Variants in FSHR observed in about 807,000 individuals in gnomAD.
FSHR encodes follicle-stimulating hormone receptor.
FSHR carries 46 observed loss-of-function variants against 52.1 expected under a neutral mutation model. The ratio of observed to expected loss-of-function variants is 0.88; its 90% CI spans 0.70 to 1.13. The LOEUF is 1.13. FSHR is among the 50% of genes most tolerant of loss of function. The pLI is 0.00. For synonymous variants in FSHR, 399 were observed against 309.6 expected, an observed-to-expected ratio of 1.29 and a Z score of -3.03; for missense variants, 964 against 834.6, an observed-to-expected ratio of 1.16 and a Z score of -1.91.
At chr2:49,058,356 G>C (rs1457086723) in intron 2 of FSHR, among the ~76,000 whole-genome samples, 1 of 151,976 alleles carries the variant, frequency 6.6e-6, no homozygotes, top group African/African-American at 2.4e-5. Flanking sequence ...AGAACATCCT[G>C]GCCAACATGG....
intron 1 of FSHR, among the ~76,000 whole-genome samples, chr2:49,120,124 A>G (rs1183201629): frequency 6.6e-6 from 1 of 152,138 alleles, no homozygotes; most frequent in Non-Finnish European, 1.5e-5. Flanking sequence ...ACAAAAAATT[A>G]TCTGGGCATG....
At chr2:49,125,865 A>G (rs758255329) in intron 1 of FSHR, among the ~76,000 whole-genome samples, 6 of 152,326 alleles carry the variant, frequency 3.9e-5, no homozygotes, top group Non-Finnish European at 8.8e-5. Flanking sequence ...TAACAGACCT[A>G]AAGACTAGGA....
intron 1 of FSHR, among the ~76,000 whole-genome samples, chr2:49,130,592 A>G (rs575858379): frequency 6.6e-6 from 1 of 152,332 alleles, no homozygotes; most frequent in South Asian, 2.1e-4. Flanking sequence ...CTTGAGGTTT[A>G]AGACATGCAT....
chr2:49,122,323 T>C (rs549431157), intron 1 of FSHR, among the ~76,000 whole-genome samples: 18 of 152,282 alleles, frequency 1.2e-4, no homozygotes, highest in African/African-American at 4.3e-4. Flanking sequence ...ATCTTCCTAA[T>C]GCATAGAGGG....
chr2:49,092,314 T>C (rs758388628), intron 1 of FSHR, among the ~76,000 whole-genome samples: 1 of 152,234 alleles, frequency 6.6e-6, no homozygotes, highest in Non-Finnish European at 1.5e-5. Flanking sequence ...AGGTAATTTA[T>C]GAACAGAGAC....
chr2:49,083,819 A>G (rs1670267638), intron 1 of FSHR, among the ~76,000 whole-genome samples: 2 of 146,772 alleles, frequency 1.4e-5, no homozygotes, highest in African/African-American at 5.1e-5. Context: ...TATGCACCCA[A>G]TACAGGAGCA....
At chr2:49,088,109 GACACAGTT>G (rs1670467250) in intron 1 of FSHR, among the ~76,000 whole-genome samples, 1 of 152,134 alleles carries the variant, frequency 6.6e-6, no homozygotes, top group Admixed American at 6.5e-5. Flanking sequence ...CTTGATCAAG[GACACAGTT>G]AGAAAGTGGC....
chr2:49,072,676 TACACTAACTTGC>T (rs1669780511), intron 1 of FSHR, among the ~76,000 whole-genome samples: 1 of 152,178 alleles, frequency 6.6e-6, no homozygotes, highest in Non-Finnish European at 1.5e-5. Context: ...AAGTTTAATC[TACACTAACTTGC>T]AATTTTGCAA....
chr2:49,058,453 AG>A (rs1324169841), intron 2 of FSHR, among the ~76,000 whole-genome samples: 12 of 152,240 alleles, frequency 7.9e-5, no homozygotes, highest in Admixed American at 6.5e-4. Flanking sequence ...AGGCTGAGGC[AG>A]GGGAATCGCT....
At position 49,088,179 on chromosome 2, in the gene FSHR, C is replaced by T. The variant is rs112201855; in HGVS notation, c.153-19889G>A. Among the ~76,000 whole-genome samples, 50 of 152,196 alleles carry T rather than the reference C, an allele frequency of 3.3e-4. 2 individuals are homozygous for T. The highest frequency in any genetic ancestry group is 1.1e-3 in the African/African-American group (46 of 41,528). Reference sequence around the variant, plus strand: ...CCCAAAGCCCATGCGCACAAGTCTGCGTGTGTATGTGGTGCAGAGGGATAA... The same window carrying T: ...CCCAAAGCCCATGCGCACAAGTCTGTGTGTGTATGTGGTGCAGAGGGATAA... On this transcript the variant is annotated intron_variant, in intron 1 of 9. Coordinates refer to ENST00000406846, the MANE Select transcript of FSHR (RefSeq NM_000145.4).
At chr2:49,067,296 G>C (rs2103616428) in intron 2 of FSHR, among the ~76,000 whole-genome samples, 1 of 152,136 alleles carries the variant, frequency 6.6e-6, no homozygotes, top group Non-Finnish European at 1.5e-5. Context: ...TGATTCTTTT[G>C]TTATTGGATT....
intron 3 of FSHR, 56 bp from the exon 4 acceptor site, chr2:49,017,619 T>C: frequency 1.6e-6 from 2 of 1,281,040 alleles, no homozygotes; most frequent in South Asian, 2.4e-5. Flanking sequence ...TGCTGTAGTA[T>C]TTTTCACATT....
chr2:49,107,729 T>C (rs1464052610), intron 1 of FSHR, among the ~76,000 whole-genome samples: 4 of 152,168 alleles, frequency 2.6e-5, no homozygotes, highest in African/African-American at 9.6e-5. Flanking sequence ...TAAGAACTAC[T>C]ATTCCCAATT....
chr2:49,147,014 T>C (rs17038354), intron 1 of FSHR, among the ~76,000 whole-genome samples: 1,984 of 152,196 alleles, frequency 0.013, 36 homozygotes, highest in African/African-American at 0.046. Context: ...CTCTGAAGAC[T>C]AAAAGTATAA....
At chr2:49,067,085 AT>A (rs1330789303) in intron 2 of FSHR, among the ~76,000 whole-genome samples, 3 of 152,108 alleles carry the variant, frequency 2.0e-5, no homozygotes, top group Non-Finnish European at 2.9e-5. Flanking sequence ...GGAGATAGAA[AT>A]TGGAAATCAC....
Position 48,970,129 on chromosome 2 carries a change from G to A in FSHR, c.669-1246C>T, listed in dbSNP as rs1171294374. Among the ~76,000 whole-genome samples, 3 of 152,284 alleles carry A rather than the reference G, an allele frequency of 2.0e-5. No homozygotes were observed. In the South Asian group the frequency reaches 6.2e-4, roughly 32 times the overall value. On this transcript the variant is annotated intron_variant, in intron 8 of 9. Transcript: ENST00000406846. Reference sequence around the variant, plus strand: ...TGAATATATATTTGCTACCCCATATGTTCTCACAATCTGGTGAAAATTACA... The same window carrying A: ...TGAATATATATTTGCTACCCCATATATTCTCACAATCTGGTGAAAATTACA...
chr2:49,009,008 C>A (rs1429437568), intron 4 of FSHR, among the ~76,000 whole-genome samples: 1 of 150,616 alleles, frequency 6.6e-6, no homozygotes, highest in African/African-American at 2.4e-5. Flanking sequence ...GTTTCTTTTG[C>A]TGTGCAGAAG....
At chr2:49,084,364 A>T (rs553886976) in intron 1 of FSHR, among the ~76,000 whole-genome samples, 2 of 152,284 alleles carry the variant, frequency 1.3e-5, no homozygotes, top group South Asian at 2.1e-4. Flanking sequence ...AGGGAAATTT[A>T]TAGCACTAAA....
chr2:49,078,101 T>C (rs1670016940), intron 1 of FSHR, among the ~76,000 whole-genome samples: 1 of 152,200 alleles, frequency 6.6e-6, no homozygotes, highest in African/African-American at 2.4e-5. Flanking sequence ...TCCACTTTCA[T>C]GCTGCTGATA....
Sources: gnomAD v4.1 joint callset for allele counts (sites outside exome capture counted in the v4.1 genomes callset) on GRCh38, gnomAD v4.1.1 for gene constraint, MANE v1.5 for transcripts, NCBI Gene and HGNC (gene_info 2026-07-23, HGNC 2026-07-21) for gene names.